Variants in SLC39A11 observed in about 807,000 individuals in gnomAD.
SLC39A11 encodes solute carrier family 39 member 11, also known as zinc transporter ZIP11.
SLC39A11 carries 33 observed loss-of-function variants against 36.1 expected under a neutral mutation model. The ratio of observed to expected loss-of-function variants is 0.91; its 90% CI spans 0.69 to 1.22. The LOEUF is 1.22. Ranked by LOEUF, SLC39A11 falls within the 50% of genes most tolerant of loss-of-function variation. The pLI, the probability that SLC39A11 is intolerant of heterozygous loss-of-function variation, is 0.00. For missense variants in SLC39A11, 432 were observed against 430.3 expected, an observed-to-expected ratio of 1.00 and a Z score of -0.03; for synonymous variants, 166 against 170.3, an observed-to-expected ratio of 0.97 and a Z score of 0.20.
At chr17:72,934,544 T>C (rs1210489839) in intron 5 of SLC39A11, among the ~76,000 whole-genome samples, 1 of 152,122 alleles carries the variant, frequency 6.6e-6, no homozygotes, top group Non-Finnish European at 1.5e-5. Context: ...CGTGTGCCTG[T>C]AGTCCCAGCT....
intron 5 of SLC39A11, among the ~76,000 whole-genome samples, chr17:72,889,029 T>C (rs1237838773): frequency 6.6e-6 from 1 of 152,174 alleles, no homozygotes; most frequent in Non-Finnish European, 1.5e-5. Context: ...AAAATTCTAC[T>C]ATTGCCCAAA....
chr17:72,923,129 T>C (rs1470982508), intron 5 of SLC39A11, among the ~76,000 whole-genome samples: 2 of 152,122 alleles, frequency 1.3e-5, no homozygotes, highest in South Asian at 2.1e-4. Context: ...TAGTGGTAGA[T>C]TGTAATAGCT....
chr17:72,957,606 G>A (rs2086329404), intron 4 of SLC39A11, among the ~76,000 whole-genome samples: 1 of 152,154 alleles, frequency 6.6e-6, no homozygotes, highest in African/African-American at 2.4e-5. Context: ...ATCGCCTCAG[G>A]TCAAAAGTTC....
intron 9 of SLC39A11, among the ~76,000 whole-genome samples, chr17:72,647,986 A>G (rs1030884049): frequency 6.6e-6 from 1 of 152,134 alleles, no homozygotes; most frequent in African/African-American, 2.4e-5. Flanking sequence ...TTTCTTAAAG[A>G]TATTACTTAA....
chr17:72,754,001 A>C (rs2075257156), intron 6 of SLC39A11, among the ~76,000 whole-genome samples: 1 of 146,348 alleles, frequency 6.8e-6, no homozygotes, highest in African/African-American at 2.5e-5. Flanking sequence ...TGGATAAAGA[A>C]ACTGTGATAT....
intron 6 of SLC39A11, among the ~76,000 whole-genome samples, chr17:72,833,712 C>G (rs2078385179): frequency 6.6e-6 from 1 of 152,192 alleles, no homozygotes; most frequent in Non-Finnish European, 1.5e-5. Flanking sequence ...GCAGATAACA[C>G]ATAACACCAG....
At chr17:72,676,663 A>T (rs1198254594) in intron 7 of SLC39A11, among the ~76,000 whole-genome samples, 1 of 152,220 alleles carries the variant, frequency 6.6e-6, no homozygotes, top group Non-Finnish European at 1.5e-5. Context: ...CTACACAGAT[A>T]TAAAAATTCC....
chr17:72,729,324 C>T (rs1023357662), intron 7 of SLC39A11, among the ~76,000 whole-genome samples: 60 of 142,072 alleles, frequency 4.2e-4, no homozygotes, highest in African/African-American at 1.4e-3. Context: ...GCAGCCTCAA[C>T]CTCCCTAGGC....
At chr17:72,751,592 T>C (rs2075158974) in intron 6 of SLC39A11, among the ~76,000 whole-genome samples, 1 of 152,064 alleles carries the variant, frequency 6.6e-6, no homozygotes, top group Non-Finnish European at 1.5e-5. Flanking sequence ...TTTGGTTTTT[T>C]TTTGAGACAG....
chr17:72,670,873 T>C, intron 7 of SLC39A11, among the ~76,000 whole-genome samples: 1 of 152,130 alleles, frequency 6.6e-6, no homozygotes, highest in East Asian at 1.9e-4. Context: ...TCTGGTCCCT[T>C]TTGCTGAGGA....
intron 6 of SLC39A11, among the ~76,000 whole-genome samples, chr17:72,760,407 G>A (rs1486817944): frequency 2.0e-5 from 3 of 152,222 alleles, no homozygotes; most frequent in African/African-American, 7.2e-5. Flanking sequence ...GAGCCAGTAT[G>A]ATCCATCTGA....
chr17:73,024,826 T>C (rs2058474425), intron 4 of SLC39A11, among the ~76,000 whole-genome samples: 1 of 150,482 alleles, frequency 6.6e-6, no homozygotes, highest in Admixed American at 6.6e-5. Flanking sequence ...GCCTCCTGAG[T>C]ACCTGGGATT....
intron 5 of SLC39A11, among the ~76,000 whole-genome samples, chr17:72,919,686 GA>G (rs58725399): frequency 1.4e-5 from 1 of 71,994 alleles, no homozygotes; most frequent in Non-Finnish European, 2.6e-5. Context: ...AAAAAAAAAA[GA>G]AAAAAAGAAG....
intron 3 of SLC39A11, chr17:73,068,248 T>G: frequency 1.4e-5 from 11 of 779,038 alleles, no homozygotes; most frequent in Non-Finnish European, 2.2e-5. Flanking sequence ...CAGTAGCACT[T>G]GAGGGAGGAA....
intron 4 of SLC39A11, among the ~76,000 whole-genome samples, chr17:73,005,841 C>G (rs1012924890): frequency 6.6e-6 from 1 of 152,080 alleles, no homozygotes; most frequent in Non-Finnish European, 1.5e-5. Context: ...GTCCCAGCTA[C>G]TCGGGAGTCT....
At chr17:72,912,913 C>T (rs9899293) in intron 5 of SLC39A11, among the ~76,000 whole-genome samples, 77,312 of 151,876 alleles carry the variant, frequency 0.51, 19,695 homozygotes, top group African/African-American at 0.53. Context: ...CTCAAGAGTG[C>T]TGACTCGAGA....
chr17:73,058,543 C>T (rs963542738), intron 3 of SLC39A11, among the ~76,000 whole-genome samples: 6 of 151,830 alleles, frequency 4.0e-5, no homozygotes, highest in Admixed American at 1.3e-4. Flanking sequence ...GCCAACATGG[C>T]GAAACCCCCT....
At chr17:72,909,673 C>T (rs965996755) in intron 5 of SLC39A11, among the ~76,000 whole-genome samples, 2 of 151,870 alleles carry the variant, frequency 1.3e-5, no homozygotes, top group Non-Finnish European at 2.9e-5. Flanking sequence ...ATGCCAAAGT[C>T]CTCACTCACC....
chr17:72,832,882 T>C (rs1252945293), intron 6 of SLC39A11, among the ~76,000 whole-genome samples: 1 of 152,176 alleles, frequency 6.6e-6, no homozygotes, highest in African/African-American at 2.4e-5. Flanking sequence ...AAACCTGTTA[T>C]TTGCTGGGGC....
Sources: allele counts gnomAD v4.1 joint callset (sites outside exome capture counted in the v4.1 genomes callset), GRCh38; gene constraint gnomAD v4.1.1; transcripts MANE v1.5; gene names NCBI Gene and HGNC (gene_info 2026-07-23, HGNC 2026-07-21).